The following SAXO1 variants were observed in gnomAD, a reference collection of about 807,000 sequenced individuals.
SAXO1 encodes the protein 4930500O09Rik.
Under a neutral mutation model 17.5 loss-of-function variants are expected in SAXO1, and 21 were observed. That is an observed-to-expected ratio of 1.20 (90% CI 0.85 to 1.72). SAXO1 has a LOEUF of 1.72. SAXO1 is among the 40% of genes most tolerant of loss of function. The pLI, the probability that SAXO1 is intolerant of heterozygous loss-of-function variation, is 0.00. For synonymous variants in SAXO1, 274 were observed against 216.5 expected (o/e 1.27, Z -2.33); for missense variants, 843 against 596.0 (o/e 1.41, Z -4.32).
chr9:18,962,531 C>T (rs1832530449), intron 1 of SAXO1, among the ~76,000 whole-genome samples: 1 of 152,140 alleles, frequency 6.6e-6, no homozygotes, highest in Admixed American at 6.5e-5. Flanking sequence ...GGGTATTAGC[C>T]CTTTGTCAGA....
intron 2 of SAXO1, among the ~76,000 whole-genome samples, chr9:18,948,525 C>A (rs563806883): frequency 1.3e-5 from 2 of 152,272 alleles, no homozygotes; most frequent in Admixed American, 6.5e-5. Flanking sequence ...CTGACTCCGG[C>A]AGGGGCAGAG....
chr9:19,008,247 G>A (rs896841286), intron 1 of SAXO1, among the ~76,000 whole-genome samples: 1 of 152,014 alleles, frequency 6.6e-6, no homozygotes, highest in African/African-American at 2.4e-5. Flanking sequence ...CAAAGTGCTG[G>A]GATTACAGGC....
At chr9:19,014,131 G>C (rs989443124) in intron 1 of SAXO1, among the ~76,000 whole-genome samples, 3 of 152,092 alleles carry the variant, frequency 2.0e-5, no homozygotes, top group African/African-American at 4.8e-5. Context: ...GGTAGAATTT[G>C]TTCTGTAATC....
rs538875168 is a variant in SAXO1, at chr9:18,950,742, TAC to T, written c.218+14_218+15del. ...TGTTGTATGTACCTGCATACATTAA[TAC>T]TGTTTGCCCTCACCTTGATGTAGTC... On this transcript the variant is annotated intron_variant, in intron 2 of 3. Coordinates refer to ENST00000380534, the MANE Select transcript of SAXO1 (RefSeq NM_153707.4). 2.1e-5 allele frequency: 33 copies of T among 1,608,314 alleles called. No homozygotes were observed. In the South Asian group the frequency reaches 3.4e-4, roughly 17 times the overall value.
chr9:19,007,850 G>A (rs1405683560), intron 1 of SAXO1, among the ~76,000 whole-genome samples: 1 of 152,128 alleles, frequency 6.6e-6, no homozygotes, highest in African/African-American at 2.4e-5. Flanking sequence ...AAGTTTCATT[G>A]GAACACAGCA....
intron 1 of SAXO1, among the ~76,000 whole-genome samples, chr9:18,963,132 G>A (rs930921597): frequency 6.6e-6 from 1 of 152,058 alleles, no homozygotes; most frequent in Non-Finnish European, 1.5e-5. Context: ...TATTTCTGAG[G>A]CCTCTGTTCT....
At chr9:19,037,002 C>A (rs892359249), upstream of SAXO1, among the ~76,000 whole-genome samples, 1 of 152,196 alleles carries the variant, frequency 6.6e-6, no homozygotes, top group Non-Finnish European at 1.5e-5. Context: ...TTCAGCGTGA[C>A]CTGGATGTGA....
intron 1 of SAXO1, among the ~76,000 whole-genome samples, chr9:18,953,973 A>G (rs1189823151): frequency 6.6e-6 from 1 of 152,224 alleles, no homozygotes; most frequent in Non-Finnish European, 1.5e-5. Flanking sequence ...ATTTAAAAGT[A>G]AGCTTGGCAG....
intron 1 of SAXO1, among the ~76,000 whole-genome samples, chr9:19,041,101 G>A (rs1012927032): frequency 1.4e-5 from 2 of 147,910 alleles, no homozygotes; most frequent in African/African-American, 5.0e-5. Context: ...TAACATTGCA[G>A]GATACAAAAC....
intron 3 of SAXO1, among the ~76,000 whole-genome samples, chr9:18,938,070 T>C (rs1831372161): frequency 6.6e-6 from 1 of 152,200 alleles, no homozygotes; most frequent in Non-Finnish European, 1.5e-5. Context: ...ACAAAAACCC[T>C]GTCCATCTAT....
chr9:18,928,759 G>C lies in SAXO1; in HGVS notation c.718C>G (p.Gln240Glu), dbSNP rs1830901410. ...ATCAGGCCCCGGTAGGATTGTTTTT[G>C]AGTGGTAAGGCTTTCAAAGGGGATT... ...CEIPFESLTT[Q>E]KQSYRGLMGE... Residue 240 changes from glutamine to glutamate, a missense_variant, in exon 4 of 4, where the codon CAA becomes GAA. Coordinates refer to ENST00000380534, the MANE Select transcript of SAXO1 (RefSeq NM_153707.4). The C allele has an allele frequency of 6.2e-7, 1 of 1,614,096 alleles. No homozygotes were observed. Among genetic ancestry groups the C allele is most frequent in the Non-Finnish European group, 8.5e-7 (1 of 1,180,020 alleles).
intron 1 of SAXO1, chr9:19,028,010 T>C (rs1835577569): frequency 6.2e-7 from 1 of 1,605,740 alleles, no homozygotes; most frequent in Non-Finnish European, 8.5e-7. Flanking sequence ...TGCAAGGCTG[T>C]GTCTGTGGAG....
chr9:19,030,935 C>G (rs1004344418), intron 1 of SAXO1, among the ~76,000 whole-genome samples: 1 of 152,044 alleles, frequency 6.6e-6, no homozygotes, highest in African/African-American at 2.4e-5. Flanking sequence ...ACAGGAGAAA[C>G]TATTGGCTGA....
chr9:18,978,857 C>T (rs866472043), intron 1 of SAXO1, among the ~76,000 whole-genome samples: 3 of 152,032 alleles, frequency 2.0e-5, no homozygotes, highest in Admixed American at 6.6e-5. Context: ...CCGTATCAAT[C>T]CCCAACTCTT....
rs71508769 is a variant in SAXO1, at chr9:19,018,132, C to A, written c.38+14739G>T. The stretch of plus-strand genomic sequence containing the variant: ...GCTGTGAGTCATGACTGCACCACTG[C>A]ACTCTAGCTGGGGCAACAGAGCAAG... On this transcript the variant is annotated intron_variant, in intron 1 of 3. Transcript: ENST00000380534. 3.0e-3 allele frequency among the ~76,000 whole-genome samples: 459 copies of A among 151,238 alleles called. 3 individuals are homozygous for A. The highest frequency in any genetic ancestry group is 5.6e-3 in the Non-Finnish European group (377 of 67,802).
chr9:19,028,126 T>C, intron 1 of SAXO1: 5 of 1,603,180 alleles, frequency 3.1e-6, no homozygotes, highest in Non-Finnish European at 4.3e-6. Flanking sequence ...CCTACAGTAC[T>C]ACGCCTAGGG....
chr9:18,985,498 G>C (rs1421378163), intron 1 of SAXO1, among the ~76,000 whole-genome samples: 1 of 152,198 alleles, frequency 6.6e-6, no homozygotes. Context: ...AGCTGGCTAG[G>C]TTGTACATAG....
At chr9:19,017,174 A>G (rs1447681361) in intron 1 of SAXO1, among the ~76,000 whole-genome samples, 1 of 152,152 alleles carries the variant, frequency 6.6e-6, no homozygotes, top group African/African-American at 2.4e-5. Flanking sequence ...GGCAGAAAGA[A>G]GAGAGAAAGA....
At chr9:18,944,004 C>G (rs575425504) in intron 2 of SAXO1, among the ~76,000 whole-genome samples, 2 of 152,186 alleles carry the variant, frequency 1.3e-5, no homozygotes, top group Admixed American at 1.3e-4. Context: ...ACGCTTATTG[C>G]GCATCTCCCA....
Sources: gnomAD v4.1 joint callset for allele counts (sites outside exome capture counted in the v4.1 genomes callset) on GRCh38, gnomAD v4.1.1 for gene constraint, MANE v1.5 for transcripts, NCBI Gene and HGNC (gene_info 2026-07-23, HGNC 2026-07-21) for gene names.